The following TNKS variants were observed in gnomAD, a reference collection of about 807,000 sequenced individuals.
TNKS encodes the protein poly [ADP-ribose] polymerase tankyrase-1.
A neutral mutation model predicts 135.8 loss-of-function variants in TNKS; 72 were observed. The observed-to-expected ratio is 0.53, with a 90% CI of 0.44 to 0.64. The LOEUF is 0.64. Ranked by LOEUF, TNKS falls within the 30% of genes least tolerant of loss-of-function variation. TNKS has a pLI of 0.00. For synonymous variants in TNKS, 849 were observed against 649.3 expected (o/e 1.31, Z -4.68); for missense variants, 1,769 against 1,674.0 (o/e 1.06, Z -0.99).
At chr8:9,611,682 A>G (rs1360842309) in intron 2 of TNKS, among the ~76,000 whole-genome samples, 3 of 152,218 alleles carry the variant, frequency 2.0e-5, no homozygotes, top group Admixed American at 1.3e-4. Context: ...TGCCTCATGT[A>G]TGTGCCATTC....
chr8:9,768,343 A>C (rs1026959250), intron 25 of TNKS, among the ~76,000 whole-genome samples: 2 of 152,246 alleles, frequency 1.3e-5, no homozygotes, highest in Non-Finnish European at 2.9e-5. Context: ...TCGATTGCCC[A>C]GTCCATGAGG....
chr8:9,663,967 C>T (rs1404205146), intron 3 of TNKS, among the ~76,000 whole-genome samples: 8 of 152,128 alleles, frequency 5.3e-5, no homozygotes, highest in African/African-American at 1.4e-4. Flanking sequence ...CCCTGGAGAT[C>T]AGGCATGGGG....
At chr8:9,598,348 G>A (rs1265891688) in intron 2 of TNKS, among the ~76,000 whole-genome samples, 1 of 152,054 alleles carries the variant, frequency 6.6e-6, no homozygotes, top group Non-Finnish European at 1.5e-5. Flanking sequence ...CGCCCGGCCA[G>A]TAATGATATA....
At chr8:9,772,367 A>G (rs1002627889) in intron 26 of TNKS, 2 of 455,554 alleles carry the variant, frequency 4.4e-6, no homozygotes, top group Non-Finnish European at 8.8e-6. Flanking sequence ...TTATCTCTCT[A>G]GGTGGATACT....
intron 3 of TNKS, among the ~76,000 whole-genome samples, chr8:9,636,357 A>G (rs1054284038): frequency 1.3e-5 from 2 of 148,670 alleles, no homozygotes; most frequent in African/African-American, 2.5e-5. Flanking sequence ...TGGTCATGCC[A>G]TCTATACTAG....
chr8:9,730,446 C>A (rs1667161586), intron 13 of TNKS, among the ~76,000 whole-genome samples: 1 of 152,128 alleles, frequency 6.6e-6, no homozygotes, highest in Admixed American at 6.5e-5. Context: ...ATTCTCCAGA[C>A]CCTTTTTGCT....
rs189723614 is a variant in TNKS at position 9,623,679 on chromosome 8, T to A, written c.994+8002T>A. Among the ~76,000 whole-genome samples, 97 of 152,250 alleles carry A rather than the reference T, an allele frequency of 6.4e-4. 4 individuals carry two copies. In the South Asian group the frequency reaches 0.018, roughly 29 times the overall value. On this transcript the variant is annotated intron_variant, in intron 3 of 26. Transcript: ENST00000310430. ...CTGCAAAGTGCAATAAAATGAGGTA[T>A]GTTGTTTATGGAGTGGGAGGGAATA...
chr8:9,676,714 G>C (rs1048069143), intron 3 of TNKS, among the ~76,000 whole-genome samples: 1 of 151,290 alleles, frequency 6.6e-6, no homozygotes, highest in Non-Finnish European at 1.5e-5. Context: ...GTGTGTGTTT[G>C]TGTGTGTGTA....
intron 3 of TNKS, among the ~76,000 whole-genome samples, chr8:9,661,814 A>G (rs1461941104): frequency 5.9e-5 from 9 of 152,220 alleles, no homozygotes; most frequent in Non-Finnish European, 1.3e-4. Context: ...AGAATGGGAG[A>G]AAATTTTTTG....
intron 1 of TNKS, among the ~76,000 whole-genome samples, chr8:9,565,900 C>A (rs756026639): frequency 6.6e-6 from 1 of 151,998 alleles, no homozygotes; most frequent in African/African-American, 2.4e-5. Flanking sequence ...ACTAAACTCC[C>A]TGATGCCTTG....
At chr8:9,763,379 G>C in intron 22 of TNKS, 135 bp downstream of exon 22, 2 of 443,252 alleles carry the variant, frequency 4.5e-6, no homozygotes, top group Non-Finnish European at 3.8e-6. Flanking sequence ...CACTGTGGTA[G>C]AATATTGCCA....
chr8:9,689,762 T>C (rs1803174120), intron 5 of TNKS, among the ~76,000 whole-genome samples: 1 of 152,136 alleles, frequency 6.6e-6, no homozygotes, highest in Non-Finnish European at 1.5e-5. Flanking sequence ...CTAGAGCTCT[T>C]AGCCACATTA....
In TNKS at chr8:9,760,192, C is replaced by T. The variant is rs1168119256; in HGVS notation, c.3154-1324C>T. ...CCTATTATTTTGTGAACTATTCCATCTCAAAGATGTGTATTTCAGAACTGG... is the reference window on the plus strand; with the variant it reads ...CCTATTATTTTGTGAACTATTCCATTTCAAAGATGTGTATTTCAGAACTGG... On this transcript the variant is annotated intron_variant, in intron 20 of 26. Coordinates refer to ENST00000310430, the MANE Select transcript of TNKS (RefSeq NM_003747.3). 2.0e-5 allele frequency among the ~76,000 whole-genome samples: 3 copies of T among 152,140 alleles called. No individual in the cohort carries two copies. In the East Asian group the frequency reaches 5.8e-4, roughly 29 times the overall value.
intron 3 of TNKS, among the ~76,000 whole-genome samples, chr8:9,662,450 A>G (rs1364671024): frequency 6.6e-6 from 1 of 152,212 alleles, no homozygotes; most frequent in African/African-American, 2.4e-5. Context: ...TTGTAGGGAC[A>G]TGGATGAAGC....
At chr8:9,756,776 A>T (rs546841282) in intron 20 of TNKS, among the ~76,000 whole-genome samples, 70 of 152,092 alleles carry the variant, frequency 4.6e-4, no homozygotes, top group Non-Finnish European at 9.7e-4. Flanking sequence ...AGGCCCTGTA[A>T]ATACAGTTCT....
rs140410610 is a variant in TNKS at position 9,721,298 on chromosome 8, T to TTTTATATATATATATATATA, written c.1921+754_1921+755insTTATATATATATATATATAT. On this transcript the variant is annotated intron_variant, in intron 12 of 26. Transcript: ENST00000310430. Reference sequence around the variant, plus strand: ...TCTGTCTCAAAAATAAATAAATAAATTATATATATATATAAAATTATAAAA... The same window carrying TTTTATATATATATATATATA: ...TCTGTCTCAAAAATAAATAAATAAATTTTATATATATATATATATATATATATATATATAAAATTATAAAA... 7.5e-4 allele frequency among the ~76,000 whole-genome samples: 89 copies of TTTTATATATATATATATATA among 118,154 alleles called. 1 individual carries two copies. Among genetic ancestry groups the TTTTATATATATATATATATA allele is most frequent in the Non-Finnish European group, 1.2e-3 (67 of 56,492 alleles). 77.5% of individuals were successfully genotyped at this position (118,154 alleles called of 152,430 possible).
chr8:9,772,757 T>C (rs938129675), intron 26 of TNKS, among the ~76,000 whole-genome samples: 4 of 151,280 alleles, frequency 2.6e-5, no homozygotes, highest in Admixed American at 6.6e-5. Context: ...TAAAGGACCA[T>C]GATGATGTAT....
At chr8:9,628,630 C>G (rs1476763732) in intron 3 of TNKS, among the ~76,000 whole-genome samples, 1 of 152,020 alleles carries the variant, frequency 6.6e-6, no homozygotes, top group African/African-American at 2.4e-5. Context: ...TTTACTCCTC[C>G]CCATCTAACT....
At chr8:9,636,222 A>C (rs1426884749) in intron 3 of TNKS, among the ~76,000 whole-genome samples, 1 of 152,168 alleles carries the variant, frequency 6.6e-6, no homozygotes, top group East Asian at 1.9e-4. Flanking sequence ...GAGGATATGG[A>C]GGAGCCCCTT....
Sources: gnomAD v4.1 joint callset for allele counts (sites outside exome capture counted in the v4.1 genomes callset) on GRCh38, gnomAD v4.1.1 for gene constraint, MANE v1.5 for transcripts, NCBI Gene and HGNC (gene_info 2026-07-23, HGNC 2026-07-21) for gene names.